The following TCF7L2 variants were observed in gnomAD, a reference collection of about 807,000 sequenced individuals.
TCF7L2 encodes the protein transcription factor 7 like 2, also known as transcription factor 7-like 2.
A neutral mutation model predicts 77.9 loss-of-function variants in TCF7L2; 23 were observed. That is an observed-to-expected ratio of 0.30 (90% confidence interval 0.21 to 0.42). The LOEUF is 0.42. TCF7L2 is among the 10% of genes least tolerant of loss of function. TCF7L2 has a pLI of 1.00. For synonymous variants in TCF7L2, 413 were observed against 340.2 expected, an observed-to-expected ratio of 1.21 and a Z score of -2.36; for missense variants, 654 against 793.1, an observed-to-expected ratio of 0.82 and a Z score of 2.11.
At chr10:113,144,138 ATGTGTG>A in intron 7 of TCF7L2, 113 bp downstream of exon 7, 3 of 440,826 alleles carry the variant, frequency 6.8e-6, no homozygotes, top group African/African-American at 3.0e-5. Flanking sequence ...GTGTGTGTGT[ATGTGTG>A]TGTGTTAGAA....
intron 5 of TCF7L2, among the ~76,000 whole-genome samples, chr10:113,090,443 T>C (rs907551758): frequency 6.6e-6 from 1 of 152,140 alleles, no homozygotes; most frequent in African/African-American, 2.4e-5. Context: ...AGACCTGGAG[T>C]AATACATATG....
At position 113,165,776 on chromosome 10, in the gene TCF7L2, T is replaced by A. The variant is rs1212262225; in HGVS notation, c.1613T>A (p.Leu538His). The A allele has an allele frequency of 6.2e-6, 10 of 1,604,256 alleles. No individual in the cohort carries two copies. The highest frequency in any genetic ancestry group is 8.5e-6 in the Non-Finnish European group (10 of 1,175,798). ...TCCATGATGCCTCCGCCACCCGCCCTCCTGCTCGCTGAGGCCACCCACAAG... is the reference window on the plus strand; with the variant it reads ...TCCATGATGCCTCCGCCACCCGCCCACCTGCTCGCTGAGGCCACCCACAAG... The change falls in exon 14 of 14, where the codon CTC (leucine) becomes CAC (histidine). Residue 538 changes from leucine to histidine, a missense_variant. Physicochemically the swap from Leu to His is moderately conservative, Grantham distance 99. Around this residue, in one of 6 missense-constraint regions of TCF7L2, gnomAD observed 272 missense variants for 215.4 expected, o/e 1.26. Transcript: ENST00000627217.
intron 4 of TCF7L2, among the ~76,000 whole-genome samples, chr10:113,032,631 A>G (rs1007011118): frequency 2.6e-5 from 4 of 152,210 alleles, no homozygotes; most frequent in Non-Finnish European, 5.9e-5. Context: ...TGGGAAAGAT[A>G]GAAGGGATTT....
chr10:113,076,522 T>A (rs2058719137), intron 5 of TCF7L2, among the ~76,000 whole-genome samples: 1 of 152,238 alleles, frequency 6.6e-6, no homozygotes, highest in Admixed American at 6.5e-5. Context: ...TTATTTGTTT[T>A]AAGTTATAGC....
At chr10:113,077,092 C>T (rs1417035995) in intron 5 of TCF7L2, among the ~76,000 whole-genome samples, 1 of 152,156 alleles carries the variant, frequency 6.6e-6, no homozygotes, top group Non-Finnish European at 1.5e-5. Flanking sequence ...CCTGTGGTCC[C>T]CTTCTTCCAC....
At chr10:113,064,646 T>C (rs1359051867) in intron 5 of TCF7L2, among the ~76,000 whole-genome samples, 1 of 152,192 alleles carries the variant, frequency 6.6e-6, no homozygotes, top group Non-Finnish European at 1.5e-5. Context: ...TCTTGGAAAA[T>C]GCGATAATGA....
chr10:112,989,477 GA>G (rs11370614), intron 4 of TCF7L2, among the ~76,000 whole-genome samples: 8 of 151,550 alleles, frequency 5.3e-5, no homozygotes, highest in South Asian at 4.2e-4. Context: ...TGAGCAGGAA[GA>G]AAAAAAAATT....
intron 4 of TCF7L2, among the ~76,000 whole-genome samples, chr10:113,036,612 A>G (rs1026095757): frequency 6.6e-6 from 1 of 152,196 alleles, no homozygotes; most frequent in African/African-American, 2.4e-5. Context: ...CTAATGGGCC[A>G]TGATCAGAAC....
intron 4 of TCF7L2, among the ~76,000 whole-genome samples, chr10:112,989,910 G>T (rs1189845696): frequency 1.3e-5 from 2 of 152,166 alleles, no homozygotes; most frequent in Middle Eastern, 3.2e-3. Context: ...AATAGATGGG[G>T]TGAGGGGAGG....
intron 4 of TCF7L2, among the ~76,000 whole-genome samples, chr10:113,035,448 T>C (rs1363812839): frequency 6.6e-6 from 1 of 152,214 alleles, no homozygotes; most frequent in East Asian, 1.9e-4. Context: ...GACTTTTTAT[T>C]ATCATTATTA....
chr10:112,983,495 T>A (rs116038558), intron 4 of TCF7L2, among the ~76,000 whole-genome samples: 1,547 of 151,964 alleles, frequency 0.01, 24 homozygotes, highest in South Asian at 0.026. Context: ...ATAAATAAAT[T>A]AATTAATTAA....
At chr10:113,086,619 C>A (rs1321432542) in intron 5 of TCF7L2, among the ~76,000 whole-genome samples, 2 of 152,150 alleles carry the variant, frequency 1.3e-5, no homozygotes, top group Non-Finnish European at 2.9e-5. Context: ...CAGGGGGTTG[C>A]CCCCTAAGTA....
Position 113,051,203 on chromosome 10 carries a change from CCACACACACACACACACACA to C in TCF7L2, c.552+11098_552+11117del, listed in dbSNP as rs55771704. ...TTGCCTTCATACATGTGCATACACACCACACACACACACACACACACACACACACACACACACACAGACAC... is the reference window on the plus strand; with the variant it reads ...TTGCCTTCATACATGTGCATACACACCACACACACACACACACACAGACAC... On this transcript the variant is annotated intron_variant, in intron 5 of 13. Transcript: ENST00000627217. Among the ~76,000 whole-genome samples the C allele has an allele frequency of 2.7e-3, 384 of 140,490 alleles. 2 individuals carry two copies. The highest frequency in any genetic ancestry group is 9.8e-3 in the African/African-American group (368 of 37,742). The allele number at this position is 140,490 out of a possible 152,430, so 92.2% of individuals were successfully genotyped here. A position where few individuals can be genotyped will look rare whatever the true frequency, so the allele number is the denominator to read the frequency against.
At chr10:112,999,716 T>A (rs1038949192) in intron 4 of TCF7L2, among the ~76,000 whole-genome samples, 2 of 152,264 alleles carry the variant, frequency 1.3e-5, no homozygotes, top group Admixed American at 6.5e-5. Context: ...TCCTGTTACT[T>A]AATGGCTGTT....
chr10:113,133,070 G>A (rs1249325780), intron 5 of TCF7L2: 2 of 152,130 alleles, frequency 1.3e-5, no homozygotes, highest in African/African-American at 4.8e-5. Flanking sequence ...ACAATGGGAT[G>A]TTTTCTTTTT....
chr10:113,053,987 C>T lies in TCF7L2; in HGVS notation c.552+13861C>T, dbSNP rs547029047. On this transcript the variant is annotated intron_variant, in intron 5 of 13. Transcript: ENST00000627217. The stretch of plus-strand genomic sequence containing the variant: ...TCAGTGTTATGCTGCCTTAATCAGG[C>T]ACACATACAGGCGGGGAGAGGCAGG... Among the ~76,000 whole-genome samples, 3 of 152,024 alleles carry T rather than the reference C, an allele frequency of 2.0e-5. No individual in the cohort carries two copies. The South Asian group carries it at 6.2e-4, about 32-fold the overall frequency.
At chr10:113,145,981 A>G (rs762517240) in intron 7 of TCF7L2, 30 bp from the exon 8 acceptor site, 5 of 1,500,228 alleles carry the variant, frequency 3.3e-6, no homozygotes, top group South Asian at 1.2e-5. Context: ...CCTTGTTTCA[A>G]GTCTCTTACT....
intron 7 of TCF7L2, among the ~76,000 whole-genome samples, chr10:113,145,285 AG>A (rs2069155163): frequency 6.6e-6 from 1 of 152,136 alleles, no homozygotes; most frequent in Admixed American, 6.5e-5. Context: ...ACCCTCGAAT[AG>A]TTCTCAGTGA....
chr10:113,021,641 C>A (rs10787473), intron 4 of TCF7L2, among the ~76,000 whole-genome samples: 81,322 of 152,094 alleles, frequency 0.53, 24,333 homozygotes, highest in African/African-American at 0.8. Context: ...AGTAACCCCC[C>A]CAGGGTCTCT....
Sources: allele counts gnomAD v4.1 joint callset (sites outside exome capture counted in the v4.1 genomes callset), GRCh38; gene constraint gnomAD v4.1.1; regional missense constraint gnomAD v4.1.1; transcripts MANE v1.5; gene names NCBI Gene and HGNC (gene_info 2026-07-23, HGNC 2026-07-21).